Variants in NFIA observed in about 807,000 individuals in gnomAD.
NFIA encodes nuclear factor I A.
In NFIA, 8 loss-of-function variants were observed where a neutral mutation model predicts 62.8. That is an observed-to-expected ratio of 0.13 (90% CI 0.07 to 0.23). The LOEUF is 0.23. NFIA is among the 10% of genes least tolerant of loss of function. The pLI is 1.00. For synonymous variants in NFIA, 235 were observed against 238.1 expected, an observed-to-expected ratio of 0.99 and a Z score of 0.12; for missense variants, 410 against 642.1, an observed-to-expected ratio of 0.64 and a Z score of 3.91.
intron 10 of NFIA, among the ~76,000 whole-genome samples, chr1:61,429,552 A>C (rs1280212123): frequency 6.6e-6 from 1 of 152,220 alleles, no homozygotes; most frequent in South Asian, 2.1e-4. Flanking sequence ...ACTGCATTAA[A>C]ATATAATCTT....
At chr1:61,167,527 G>A (rs749905809) in intron 2 of NFIA, among the ~76,000 whole-genome samples, 14 of 152,042 alleles carry the variant, frequency 9.2e-5, no homozygotes, top group Non-Finnish European at 1.3e-4. Context: ...TTTTGGTAGC[G>A]GTGTTTCTGC....
chr1:61,436,329 C>A (rs1173776396), intron 10 of NFIA, among the ~76,000 whole-genome samples: 4 of 152,098 alleles, frequency 2.6e-5, no homozygotes, highest in Non-Finnish European at 5.9e-5. Context: ...AGTTGACTGG[C>A]CCTGCTGCAT....
intron 2 of NFIA, among the ~76,000 whole-genome samples, chr1:61,198,543 C>G (rs1652193451): frequency 6.6e-6 from 1 of 152,188 alleles, no homozygotes; most frequent in East Asian, 1.9e-4. Flanking sequence ...GTTATCTGGG[C>G]TTGCAACTGA....
chr1:61,301,937 T>A (rs1465133649), intron 3 of NFIA, among the ~76,000 whole-genome samples: 1 of 152,236 alleles, frequency 6.6e-6, no homozygotes, highest in Non-Finnish European at 1.5e-5. Context: ...TAGCCGCTGC[T>A]GACCTGGTAA....
chr1:61,267,218 A>G (rs1190278253), intron 2 of NFIA, among the ~76,000 whole-genome samples: 2 of 152,116 alleles, frequency 1.3e-5, no homozygotes, highest in African/African-American at 4.8e-5. Flanking sequence ...AAATATTTTT[A>G]TACTTTTAGG....
chr1:61,425,215 C>T (rs927926910), intron 9 of NFIA, among the ~76,000 whole-genome samples: 5 of 151,918 alleles, frequency 3.3e-5, no homozygotes, highest in African/African-American at 1.2e-4. Flanking sequence ...GGGTCTGGGC[C>T]AGATGGTGGA....
At chr1:61,443,793 A>T (rs1348621980) in intron 10 of NFIA, among the ~76,000 whole-genome samples, 1 of 152,160 alleles carries the variant, frequency 6.6e-6, no homozygotes, top group East Asian at 1.9e-4. Context: ...ATTTCTGCCC[A>T]TGAAGATGAT....
chr1:61,374,313 T>A (rs1227208292), intron 6 of NFIA, among the ~76,000 whole-genome samples: 2 of 152,120 alleles, frequency 1.3e-5, no homozygotes, highest in Admixed American at 6.6e-5. Flanking sequence ...AAATCAGTCC[T>A]TTCCTGAACA....
intron 2 of NFIA, among the ~76,000 whole-genome samples, chr1:61,134,924 G>C (rs1052222850): frequency 6.6e-6 from 1 of 152,218 alleles, no homozygotes; most frequent in African/African-American, 2.4e-5. Context: ...ATCTGGAAGA[G>C]AAGAAGATAG....
At chr1:61,412,594 G>A (rs1314427679) in intron 9 of NFIA, among the ~76,000 whole-genome samples, 2 of 152,198 alleles carry the variant, frequency 1.3e-5, no homozygotes, top group Non-Finnish European at 2.9e-5. Context: ...ATCTCTGGGT[G>A]AGGGGTGGAG....
At chr1:61,289,730 G>T (rs1478870819) in intron 3 of NFIA, among the ~76,000 whole-genome samples, 1 of 151,982 alleles carries the variant, frequency 6.6e-6, no homozygotes, top group African/African-American at 2.4e-5. Context: ...CTCTTGTTTT[G>T]CTCTCATCTA....
intron 2 of NFIA, among the ~76,000 whole-genome samples, chr1:61,201,950 A>G (rs1422159691): frequency 6.7e-6 from 1 of 149,654 alleles, no homozygotes; most frequent in Admixed American, 6.7e-5. Flanking sequence ...GAAAATCTTA[A>G]AAAAAAAACA....
chr1:61,387,755 A>C (rs1010866168), intron 7 of NFIA, among the ~76,000 whole-genome samples: 1 of 152,216 alleles, frequency 6.6e-6, no homozygotes, highest in Non-Finnish European at 1.5e-5. Flanking sequence ...GAATGAATAA[A>C]AGTAGTCAAA....
chr1:61,110,941 C>T (rs1244813718), intron 2 of NFIA, among the ~76,000 whole-genome samples: 1 of 152,100 alleles, frequency 6.6e-6, no homozygotes, highest in African/African-American at 2.4e-5. Flanking sequence ...GAACTGTAGT[C>T]TGTTGAAACT....
intron 3 of NFIA, among the ~76,000 whole-genome samples, 175 bp downstream of exon 3, chr1:61,277,760 G>T (rs1364283954): frequency 1.3e-5 from 2 of 152,084 alleles, no homozygotes; most frequent in African/African-American, 4.8e-5. Flanking sequence ...TTGTTCTCGG[G>T]ATCACCCCAG....
In NFIA at chr1:61,353,212, A is replaced by G. The variant is rs750180244; in HGVS notation, c.818+645A>G. Among the ~76,000 whole-genome samples, 6 of 152,086 alleles carry G rather than the reference A, an allele frequency of 3.9e-5. No homozygotes were observed. In the East Asian group the frequency reaches 1.2e-3, roughly 29 times the overall value. On this transcript the variant is annotated intron_variant, in intron 5 of 10. Coordinates refer to ENST00000403491, the MANE Select transcript of NFIA (RefSeq NM_001134673.4). ...ATTTGATATCCTGGTGTGAGGTTAT[A>G]CAAATGGAAGTAGTCACTTGCATAA...
chr1:61,326,312 C>A (rs548169304), intron 3 of NFIA, among the ~76,000 whole-genome samples: 1 of 152,318 alleles, frequency 6.6e-6, no homozygotes, highest in South Asian at 2.1e-4. Context: ...CCAGAAGCTT[C>A]ATTGCCTGTC....
intron 2 of NFIA, among the ~76,000 whole-genome samples, chr1:61,269,096 T>G (rs2100258869): frequency 6.6e-6 from 1 of 152,236 alleles, no homozygotes; most frequent in Middle Eastern, 3.4e-3. Flanking sequence ...GTGTTTATTT[T>G]GTCTAGGAAG....
At chr1:61,272,615 T>C (rs1344583650) in intron 2 of NFIA, among the ~76,000 whole-genome samples, 1 of 152,166 alleles carries the variant, frequency 6.6e-6, no homozygotes, top group East Asian at 1.9e-4. Context: ...TCCCAAACCC[T>C]CAGAAACTAA....
Sources: gnomAD v4.1 joint callset for allele counts (sites outside exome capture counted in the v4.1 genomes callset) on GRCh38, gnomAD v4.1.1 for gene constraint, MANE v1.5 for transcripts, NCBI Gene and HGNC (gene_info 2026-07-23, HGNC 2026-07-21) for gene names.